Variants in NOS1 observed in about 807,000 individuals in gnomAD.
The protein encoded by NOS1 is NOS type I.
A neutral mutation model predicts 164.5 loss-of-function variants in NOS1; 51 were observed. That is an observed-to-expected ratio of 0.31 (90% CI 0.25 to 0.39). The LOEUF is 0.39. Among genes scored for constraint, NOS1 ranks in the 10% least tolerant of loss-of-function variants. The pLI is 1.00. For missense variants in NOS1, 1,362 were observed against 1,885.6 expected, an observed-to-expected ratio of 0.72 and a Z score of 5.14; for synonymous variants, 719 against 745.8, an observed-to-expected ratio of 0.96 and a Z score of 0.59.
intron 3 of NOS1, among the ~76,000 whole-genome samples, chr12:117,291,462 GA>G (rs949533061): frequency 7.1e-4 from 106 of 149,924 alleles, no homozygotes; most frequent in Admixed American, 1.9e-3. Flanking sequence ...GGTGAGGGGG[GA>G]TAAATCTCAG....
chr12:117,230,761 G>C (rs189227375), intron 22 of NOS1, among the ~76,000 whole-genome samples: 8 of 152,288 alleles, frequency 5.3e-5, no homozygotes, highest in African/African-American at 1.9e-4. Context: ...ATCTCTAATA[G>C]TCCCCCCTGC....
At chr12:117,274,139 AT>A (rs1240924452) in intron 9 of NOS1, among the ~76,000 whole-genome samples, 3 of 152,222 alleles carry the variant, frequency 2.0e-5, no homozygotes, top group Admixed American at 1.3e-4. Context: ...AAACAATTGG[AT>A]TAAAAAATGG....
intron 13 of NOS1, among the ~76,000 whole-genome samples, chr12:117,263,147 C>G (rs1314867768): frequency 6.6e-6 from 1 of 151,280 alleles, no homozygotes; most frequent in Non-Finnish European, 1.5e-5. Context: ...CCCCCTGAAG[C>G]CTCACACAGT....
intron 13 of NOS1, among the ~76,000 whole-genome samples, chr12:117,260,938 C>T (rs1470822811): frequency 6.6e-6 from 1 of 151,654 alleles, no homozygotes; most frequent in Non-Finnish European, 1.5e-5. Flanking sequence ...GAGGCCGAGG[C>T]AGGTGGATTG....
chr12:117,217,123 C>G (rs968507468), intron 28 of NOS1, among the ~76,000 whole-genome samples: 1 of 152,078 alleles, frequency 6.6e-6, no homozygotes, highest in African/African-American at 2.4e-5. Context: ...GGTGCCTCAG[C>G]CTGTTTCCAG....
At chr12:117,316,874 G>GT (rs1319282709) in intron 2 of NOS1, among the ~76,000 whole-genome samples, 1 of 152,008 alleles carries the variant, frequency 6.6e-6, no homozygotes, top group Non-Finnish European at 1.5e-5. Context: ...TAGTAACTCT[G>GT]TTTTTTTATT....
chr12:117,258,894 T>C (rs1296348498), intron 15 of NOS1, 132 bp downstream of exon 15: 2 of 634,476 alleles, frequency 3.2e-6, no homozygotes. Flanking sequence ...TGGATCCAAA[T>C]GGAAATTACT....
At chr12:117,325,646 G>A (rs12579387) in intron 2 of NOS1, among the ~76,000 whole-genome samples, 16,832 of 152,176 alleles carry the variant, frequency 0.11, 1,220 homozygotes, top group South Asian at 0.25. Context: ...TGAATTTTCC[G>A]TGCAGTAAAT....
At chr12:117,351,559 T>C (rs762427031) in intron 1 of NOS1, among the ~76,000 whole-genome samples, 1 of 152,144 alleles carries the variant, frequency 6.6e-6, no homozygotes, top group Admixed American at 6.5e-5. Flanking sequence ...TTCACCTCCA[T>C]TGCCCCTTGG....
intron 8 of NOS1, among the ~76,000 whole-genome samples, chr12:117,279,563 T>TA (rs942686067): frequency 2.6e-5 from 4 of 152,070 alleles, no homozygotes; most frequent in African/African-American, 7.2e-5. Flanking sequence ...TTTCAAAAGG[T>TA]AAAATTGCAT....
At chr12:117,337,359 G>A (rs144090095) in intron 1 of NOS1, among the ~76,000 whole-genome samples, 5,796 of 151,728 alleles carry the variant, frequency 0.038, 165 homozygotes, top group Non-Finnish European at 0.056. Flanking sequence ...CTTGTGATCC[G>A]CCTGCCTTGG....
intron 13 of NOS1, among the ~76,000 whole-genome samples, chr12:117,261,476 T>G (rs1871906021): frequency 6.6e-6 from 1 of 151,866 alleles, no homozygotes; most frequent in Non-Finnish European, 1.5e-5. Context: ...TGTATGCACA[T>G]GTGTGAATGA....
chr12:117,354,673 A>C (rs1876781366), intron 1 of NOS1, among the ~76,000 whole-genome samples: 1 of 152,208 alleles, frequency 6.6e-6, no homozygotes, highest in Non-Finnish European at 1.5e-5. Context: ...TTAGTGACTA[A>C]ATAGGATGGA....
At position 117,226,675 on chromosome 12, in the gene NOS1, T is replaced by C; in HGVS notation, c.3704+8A>G. ...ATGATTGCTCATTTTTCTCCACTTA[T>C]TACTCACCCTCTCACGAAACAGGGG... On this transcript the variant is annotated splice_region_variant and intron_variant, in intron 24 of 28. Coordinates refer to ENST00000317775, the MANE Select transcript of NOS1 (RefSeq NM_000620.5). The C allele has an allele frequency of 6.2e-7, 1 of 1,613,180 alleles. No individual in the cohort carries two copies.
intron 1 of NOS1, among the ~76,000 whole-genome samples, chr12:117,336,861 A>G (rs892216881): frequency 3.3e-5 from 5 of 151,982 alleles, no homozygotes; most frequent in African/African-American, 1.2e-4. Context: ...CAGTGGCACA[A>G]TCTTGGCTCA....
intron 20 of NOS1, among the ~76,000 whole-genome samples, chr12:117,237,556 C>A (rs1869818429): frequency 6.6e-6 from 1 of 152,058 alleles, no homozygotes; most frequent in African/African-American, 2.4e-5. Context: ...CCCGAGTGTC[C>A]CCTCTGTGTG....
intron 1 of NOS1, among the ~76,000 whole-genome samples, chr12:117,352,099 G>T (rs1876645604): frequency 6.6e-6 from 1 of 152,180 alleles, no homozygotes; most frequent in African/African-American, 2.4e-5. Flanking sequence ...CCTGAGCCAG[G>T]AAAGTTGAGG....
rs772604104 is a variant in NOS1, at chr12:117,247,432, C to A, written c.2739G>T (p.Gly913=). ...AVDTLLEELG[G]ERILKMREGD... is the part of the protein sequence containing the mutation. ...CTTCCCTCATCTTCAGGATCCTCTC[C>A]CCTCCCAGTTCTTCCAGGAGGGTGT... Residue 913 remains glycine, a synonymous_variant, in exon 18 of 29, where the codon GGG becomes GGT. Transcript: ENST00000317775. The A allele has an allele frequency of 6.2e-7, 1 of 1,612,888 alleles. No individual in the cohort carries two copies. Among genetic ancestry groups the A allele is most frequent in the African/African-American group, 1.3e-5 (1 of 74,766 alleles).
chr12:117,260,575 C>T lies in NOS1; in HGVS notation c.2257G>A (p.Ala753Thr). 1.2e-6 allele frequency: 2 copies of T among 1,613,984 alleles called. No individual in the cohort carries two copies. The highest frequency in any genetic ancestry group is 1.7e-6 in the Non-Finnish European group (2 of 1,179,920). Residue 753 changes from alanine (A) to threonine (T), a missense_variant, in exon 14 of 29, where the codon GCT becomes ACT. This residue lies in a region of NOS1 where 737 missense variants were observed against 1,030.3 expected (regional missense o/e 0.72). Coordinates refer to ENST00000317775, the MANE Select transcript of NOS1 (RefSeq NM_000620.5). ...VKFSAKLMGQAMAKRVKATIL... is the reference protein window; with the variant it reads ...VKFSAKLMGQTMAKRVKATIL... Reference sequence around the variant, plus strand: ...GTCGCTTTCACCCTCTTGGCCATAGCCTGCCCCATCAGCTTGGCCGAGAAC... The same window carrying T: ...GTCGCTTTCACCCTCTTGGCCATAGTCTGCCCCATCAGCTTGGCCGAGAAC...
Sources: allele counts gnomAD v4.1 joint callset (sites outside exome capture counted in the v4.1 genomes callset), GRCh38; gene constraint gnomAD v4.1.1; regional missense constraint gnomAD v4.1.1; transcripts MANE v1.5; gene names NCBI Gene and HGNC (gene_info 2026-07-23, HGNC 2026-07-21).